GSG1L2: variants seen among roughly 807,000 people sequenced by gnomAD.
GSG1L2 encodes the protein GSG1 like 2.
A neutral mutation model predicts 9.0 loss-of-function variants in GSG1L2; 15 were observed. The observed-to-expected ratio is 1.67, with a 90% CI of 1.12 to 2.57. The LOEUF (loss-of-function observed/expected upper bound fraction) is 2.57. GSG1L2 is among the 30% of genes most tolerant of loss of function. The pLI, the probability that GSG1L2 is intolerant of heterozygous loss-of-function variation, is 0.00. For missense variants in GSG1L2, 286 were observed against 150.3 expected, an observed-to-expected ratio of 1.90 and a Z score of -4.72; for synonymous variants, 127 against 57.9, an observed-to-expected ratio of 2.19 and a Z score of -5.41.
chr17:9,814,169 C>T (rs970062494), intron 1 of GSG1L2, among the ~76,000 whole-genome samples: 5 of 152,280 alleles, frequency 3.3e-5, no homozygotes, highest in African/African-American at 9.6e-5. Flanking sequence ...CTCCTGACCT[C>T]GTGATCCGTC....
intron 4 of GSG1L2, among the ~76,000 whole-genome samples, chr17:9,806,913 G>A (rs909417678): frequency 6.6e-6 from 1 of 152,196 alleles, no homozygotes; most frequent in Non-Finnish European, 1.5e-5. Flanking sequence ...GTAGGGTGAG[G>A]GAGTGAGCCC....
At chr17:9,808,700 G>T in intron 3 of GSG1L2, 130 bp downstream of exon 3, 1 of 590,068 alleles carries the variant, frequency 1.7e-6, no homozygotes, top group East Asian at 2.8e-5. Context: ...TTATCCAGGG[G>T]ACCACCCGCC....
intron 1 of GSG1L2, among the ~76,000 whole-genome samples, chr17:9,815,817 C>A (rs1489239473): frequency 6.6e-6 from 1 of 152,166 alleles, no homozygotes; most frequent in African/African-American, 2.4e-5. Flanking sequence ...TGTCCCCTCC[C>A]AAACTCATGT....
Position 9,808,815 on chromosome 17 carries a change from G to A in GSG1L2, c.511+15C>T. ...CTCTGGGGCAGCCTGTTCCAAGGATGCTGTTGGAAAGTACCTGCCAGCACC... is the reference window on the plus strand; with the variant it reads ...CTCTGGGGCAGCCTGTTCCAAGGATACTGTTGGAAAGTACCTGCCAGCACC... On this transcript the variant is annotated intron_variant, in intron 3 of 4. Transcript: ENST00000399363. The A allele has an allele frequency of 1.4e-6, 1 of 702,644 alleles. No individual in the cohort carries two copies. The highest frequency in any genetic ancestry group is 2.6e-6 in the Non-Finnish European group (1 of 384,800). 43.5% of individuals were successfully genotyped at this position (702,644 alleles called of 1,614,324 possible).
intron 3 of GSG1L2, 34 bp downstream of exon 3, chr17:9,808,796 G>T (rs1266945604): frequency 1.4e-6 from 1 of 701,554 alleles, no homozygotes; most frequent in South Asian, 1.5e-5. Flanking sequence ...TTCCCTCTGG[G>T]GCAGCCTGTT....
rs1463019775 is a variant in GSG1L2, at chr17:9,816,392, GTGTC to G, written c.310+5366_310+5369del. Among the ~76,000 whole-genome samples the G allele has an allele frequency of 7.5e-4, 113 of 150,998 alleles. 1 individual carries two copies. The South Asian group carries it at 0.018, about 23-fold the overall frequency. On this transcript the variant is annotated intron_variant, in intron 1 of 4. Coordinates refer to ENST00000399363, the MANE Select transcript of GSG1L2 (RefSeq NM_001310219.2). ...TGTCTGTGTGTGTGCGTGTGTGTCT[GTGTC>G]TGTGTGTGTGTGTGTGTGTCTGTGT...
intron 1 of GSG1L2, among the ~76,000 whole-genome samples, chr17:9,816,564 ATATCTG>A (rs1268080128): frequency 1.1e-5 from 1 of 88,708 alleles, no homozygotes; most frequent in Non-Finnish European, 2.0e-5. Flanking sequence ...GTGTGCATGC[ATATCTG>A]TGTCTGTGTG....
rs552410583 is a variant in GSG1L2 at position 9,802,158 on chromosome 17, G to A, written c.*228C>T. Among the ~76,000 whole-genome samples the A allele has an allele frequency of 6.6e-6, 1 of 152,308 alleles. No homozygotes were observed. Among genetic ancestry groups the A allele is most frequent in the African/African-American group, 2.4e-5 (1 of 41,560 alleles). On this transcript the variant is annotated 3_prime_UTR_variant, in exon 5 of 5. Transcript: ENST00000399363. ...CTCTCTTTTATACTAGAGTGTCAAT[G>A]GTTGATATCTTCAGTAAGCATTATC...
At chr17:9,809,115 C>T (rs1160657630) in intron 2 of GSG1L2, 133 bp from the exon 3 acceptor site, 5 of 627,598 alleles carry the variant, frequency 8.0e-6, no homozygotes, top group African/African-American at 1.8e-5. Context: ...ATCACAGATG[C>T]CTCTGCTGAA....
At chr17:9,810,053 G>A (rs1331134126) in intron 2 of GSG1L2, 2 of 154,054 alleles carry the variant, frequency 1.3e-5, no homozygotes, top group African/African-American at 2.4e-5. Context: ...TCATCTTTGC[G>A]AAAGGACTCC....
Position 9,820,836 on chromosome 17 carries a change from T to C in GSG1L2, c.310+926A>G, listed in dbSNP as rs1597369772. ...CAGCTAATTTTTTAAAAAAACCTTT[T>C]GTAAAGAGAGGTCTCACTATGTTGC... On this transcript the variant is annotated intron_variant, in intron 1 of 4. Transcript: ENST00000399363. The surrounding 1 kb of genome is among the most constrained non-coding windows in gnomAD (Gnocchi z 4.9). 6.6e-6 allele frequency among the ~76,000 whole-genome samples: 1 copy of C among 151,960 alleles called. No homozygotes were observed. The highest frequency in any genetic ancestry group is 1.5e-5 in the Non-Finnish European group (1 of 67,994).
intron 3 of GSG1L2, 141 bp downstream of exon 3, chr17:9,808,689 C>T (rs1466969290): frequency 7.0e-6 from 4 of 575,000 alleles, no homozygotes; most frequent in East Asian, 5.6e-5. Flanking sequence ...TCATTGGTGA[C>T]TTATCCAGGG....
At chr17:9,811,472 T>C (rs1327828799) in intron 1 of GSG1L2, among the ~76,000 whole-genome samples, 1 of 152,224 alleles carries the variant, frequency 6.6e-6, no homozygotes, top group African/African-American at 2.4e-5. Flanking sequence ...ACATATGCAG[T>C]TCCCTTTAAA....
intron 1 of GSG1L2, among the ~76,000 whole-genome samples, chr17:9,816,717 ATCTGTG>A (rs1567711418): frequency 8.7e-6 from 1 of 114,496 alleles, no homozygotes; most frequent in East Asian, 2.5e-4. Context: ...GTCTGTGTGT[ATCTGTG>A]TCTGTGTGTG....
chr17:9,805,083 A>T (rs1033453494), intron 4 of GSG1L2: 16 of 152,158 alleles, frequency 1.1e-4, no homozygotes, highest in African/African-American at 3.6e-4. Flanking sequence ...ATAAAAAGAG[A>T]AACAAAATAT....
At chr17:9,817,741 G>A (rs1186452714) in intron 1 of GSG1L2, among the ~76,000 whole-genome samples, 1 of 152,066 alleles carries the variant, frequency 6.6e-6, no homozygotes, top group Non-Finnish European at 1.5e-5. Flanking sequence ...GGCCTTTTCT[G>A]TTTAGGAAAT....
At position 9,818,501 on chromosome 17, in the gene GSG1L2, A is replaced by ATTTTTTTTTTTTT. The variant is rs377057350; in HGVS notation, c.310+3248_310+3260dup. Among the ~76,000 whole-genome samples, 84 of 82,800 alleles carry ATTTTTTTTTTTTT rather than the reference A, an allele frequency of 1.0e-3. 3 individuals are homozygous for ATTTTTTTTTTTTT. The highest frequency in any genetic ancestry group is 3.0e-3 in the East Asian group (8 of 2,640). The allele number at this position is 82,800 out of a possible 152,430, so 54.3% of individuals were successfully genotyped here. ...GGTGCACACCACCACACACAGCTAAATTTTTTTTTTTTTTTTTTTTTTTTT... is the reference window on the plus strand; with the variant it reads ...GGTGCACACCACCACACACAGCTAAATTTTTTTTTTTTTTTTTTTTTTTTTTTTTTTTTTTTTT... On this transcript the variant is annotated intron_variant, in intron 1 of 4. Transcript: ENST00000399363.
chr17:9,809,078 A>G, intron 2 of GSG1L2, 96 bp from the exon 3 acceptor site: 2 of 650,848 alleles, frequency 3.1e-6, no homozygotes, highest in Non-Finnish European at 5.6e-6. Flanking sequence ...TAAACAAAAC[A>G]TGAAAAACAG....
At chr17:9,813,587 C>T (rs1478940776) in intron 1 of GSG1L2, among the ~76,000 whole-genome samples, 8 of 152,178 alleles carry the variant, frequency 5.3e-5, no homozygotes, top group Admixed American at 1.3e-4. Context: ...TGAGCCTCGC[C>T]GGTTCTCCCA....
Sources: gnomAD v4.1 joint callset for allele counts (sites outside exome capture counted in the v4.1 genomes callset) on GRCh38, gnomAD v4.1.1 for gene constraint, Gnocchi (gnomAD v3.1) non-coding constraint, MANE v1.5 for transcripts, NCBI Gene and HGNC (gene_info 2026-07-23, HGNC 2026-07-21) for gene names.